The following ADAM12 variants were observed in gnomAD, a reference collection of about 807,000 sequenced individuals.
The protein encoded by ADAM12 is ADAM metallopeptidase domain 12.
In ADAM12, 70 loss-of-function variants were observed where a neutral mutation model predicts 106.4. The ratio of observed to expected loss-of-function variants is 0.66; its 90% CI spans 0.54 to 0.80. The LOEUF (loss-of-function observed/expected upper bound fraction) is 0.80. Ranked by LOEUF, ADAM12 falls within the 30% of genes least tolerant of loss-of-function variation. ADAM12 has a pLI of 0.00. For missense variants in ADAM12, 1,010 were observed against 1,171.9 expected, an observed-to-expected ratio of 0.86 and a Z score of 2.02; for synonymous variants, 420 against 433.5, an observed-to-expected ratio of 0.97 and a Z score of 0.39.
intron 21 of ADAM12, among the ~76,000 whole-genome samples, chr10:126,022,250 CT>C (rs1273750374): frequency 6.6e-6 from 1 of 152,182 alleles, no homozygotes; most frequent in African/African-American, 2.4e-5. Flanking sequence ...ATGTCTCCTA[CT>C]TTAGAAGATA....
chr10:126,152,417 T>G (rs1489051064), intron 4 of ADAM12, among the ~76,000 whole-genome samples: 4 of 152,056 alleles, frequency 2.6e-5, no homozygotes, highest in Non-Finnish European at 5.9e-5. Flanking sequence ...TTGAGACAAT[T>G]TTGCTAGCAT....
chr10:126,274,080 G>T (rs905129425), intron 3 of ADAM12, among the ~76,000 whole-genome samples: 1 of 152,134 alleles, frequency 6.6e-6, no homozygotes, highest in African/African-American at 2.4e-5. Flanking sequence ...ACTCACTTCT[G>T]GCTTGGTCCA....
Position 126,115,132 on chromosome 10 carries a change from AT to A in ADAM12, c.603+2905del, listed in dbSNP as rs543342015. Among the ~76,000 whole-genome samples, 620 of 152,280 alleles carry A rather than the reference AT, an allele frequency of 4.1e-3. 4 individuals are homozygous for A. Among genetic ancestry groups the A allele is most frequent in the Non-Finnish European group, 6.6e-3 (451 of 68,026 alleles). ...ATATGTACACAGTACCCAAGCAAAC[AT>A]TTCTTTTCAGAGAAGGCAGCAACTT... is the stretch of plus-strand genomic sequence containing the variant. On this transcript the variant is annotated intron_variant, in intron 6 of 22. Transcript: ENST00000448723.
chr10:126,250,515 A>C (rs1266396941), intron 3 of ADAM12, among the ~76,000 whole-genome samples: 1 of 152,200 alleles, frequency 6.6e-6, no homozygotes, highest in East Asian at 1.9e-4. Flanking sequence ...CTTTAAAAAT[A>C]ATTTTTAATC....
At chr10:126,157,999 T>C (rs150809147) in intron 3 of ADAM12, among the ~76,000 whole-genome samples, 1 of 152,270 alleles carries the variant, frequency 6.6e-6, no homozygotes, top group East Asian at 1.9e-4. Context: ...ACAATGGAGA[T>C]GCAGCAGGTG....
chr10:126,341,850 G>T (rs774823684), intron 1 of ADAM12, among the ~76,000 whole-genome samples: 2 of 152,116 alleles, frequency 1.3e-5, no homozygotes, highest in East Asian at 1.9e-4. Flanking sequence ...TTATAGACTC[G>T]GTTAGTTTTT....
chr10:126,335,636 T>G lies in ADAM12; in HGVS notation c.89-5127A>C, dbSNP rs137994907. ...AATGATGTAGTTCTTTCATTTTAGCTGCACGCTCCCTACATGTAAATTAGT... is the reference window on the plus strand; with the variant it reads ...AATGATGTAGTTCTTTCATTTTAGCGGCACGCTCCCTACATGTAAATTAGT... On this transcript the variant is annotated intron_variant, in intron 1 of 22. Coordinates refer to ENST00000448723, the MANE Select transcript of ADAM12 (RefSeq NM_001288973.2). Among the ~76,000 whole-genome samples the G allele has an allele frequency of 2.9e-3, 445 of 152,358 alleles. 2 individuals carry two copies. Among genetic ancestry groups the G allele is most frequent in the African/African-American group, 0.01 (430 of 41,586 alleles).
At chr10:126,017,590 C>T (rs938170595) in intron 22 of ADAM12, among the ~76,000 whole-genome samples, 1 of 151,848 alleles carries the variant, frequency 6.6e-6, no homozygotes, top group Admixed American at 6.6e-5. Context: ...TTTCTAGTAG[C>T]CACATGAAAA....
chr10:126,256,913 T>C (rs1958903068), intron 3 of ADAM12, among the ~76,000 whole-genome samples: 1 of 120,998 alleles, frequency 8.3e-6, no homozygotes, highest in African/African-American at 2.9e-5. Context: ...ATGGGAATAA[T>C]AATAATAATG....
intron 3 of ADAM12, among the ~76,000 whole-genome samples, chr10:126,178,867 T>C (rs1198056476): frequency 1.3e-5 from 2 of 151,962 alleles, no homozygotes; most frequent in Non-Finnish European, 2.9e-5. Context: ...GCCAACGTGG[T>C]GAAACCCCAT....
intron 2 of ADAM12, among the ~76,000 whole-genome samples, chr10:126,296,452 T>C (rs946674854): frequency 1.3e-5 from 2 of 152,158 alleles, no homozygotes; most frequent in Non-Finnish European, 2.9e-5. Flanking sequence ...TATTTTTAAA[T>C]GTAGTCGAGA....
Position 126,049,760 on chromosome 10 carries a change from G to C in ADAM12, c.1610-91C>G. 2.6e-6 allele frequency: 3 copies of C among 1,151,966 alleles called. No homozygotes were observed. The highest frequency in any genetic ancestry group is 1.2e-6 in the Non-Finnish European group (1 of 802,780). The allele number at this position is 1,151,966 out of a possible 1,614,324, so 71.4% of individuals were successfully genotyped here. A position where few individuals can be genotyped will look rare whatever the true frequency, so the allele number is the denominator to read the frequency against. Reference sequence around the variant, plus strand: ...GCCTCTCAAATGGTTACGGGGAGACGTGCTCAAAGCAATCACACCCAGTGT... The same window carrying C: ...GCCTCTCAAATGGTTACGGGGAGACCTGCTCAAAGCAATCACACCCAGTGT... On this transcript the variant is annotated intron_variant, in intron 14 of 22. Coordinates refer to ENST00000448723, the MANE Select transcript of ADAM12 (RefSeq NM_001288973.2). This position sits in a 1 kb window ranked among gnomAD's most constrained non-coding sequence, Gnocchi z 4.4.
At chr10:126,270,581 T>C (rs1035532175) in intron 3 of ADAM12, among the ~76,000 whole-genome samples, 2 of 152,184 alleles carry the variant, frequency 1.3e-5, no homozygotes, top group Non-Finnish European at 2.9e-5. Flanking sequence ...AAGTAAAGTG[T>C]GAATATAACT....
intron 2 of ADAM12, among the ~76,000 whole-genome samples, chr10:126,300,966 G>A (rs374061328): frequency 2.6e-5 from 4 of 152,300 alleles, no homozygotes; most frequent in Admixed American, 1.3e-4. Context: ...AATAAGCAAC[G>A]ACTTAAATAG....
At chr10:126,242,160 T>C (rs1390165913) in intron 3 of ADAM12, among the ~76,000 whole-genome samples, 1 of 152,184 alleles carries the variant, frequency 6.6e-6, no homozygotes, top group Non-Finnish European at 1.5e-5. Context: ...TATTATATGT[T>C]CAGGGGTGAT....
At chr10:126,311,133 A>G (rs1961076267) in intron 2 of ADAM12, among the ~76,000 whole-genome samples, 4 of 146,566 alleles carry the variant, frequency 2.7e-5, no homozygotes, top group African/African-American at 1.0e-4. Flanking sequence ...ACACACACAC[A>G]CACACCTGCA....
At chr10:126,040,121 C>T (rs1954134454) in intron 18 of ADAM12, among the ~76,000 whole-genome samples, 1 of 152,112 alleles carries the variant, frequency 6.6e-6, no homozygotes, top group Admixed American at 6.5e-5. Flanking sequence ...AGTTAAGAGC[C>T]TCCTCAAGGG....
chr10:126,200,275 G>A (rs1957674209), intron 3 of ADAM12, among the ~76,000 whole-genome samples: 1 of 152,062 alleles, frequency 6.6e-6, no homozygotes, highest in African/African-American at 2.4e-5. Flanking sequence ...TTAACTCAAT[G>A]GTTTTTGTCT....
At chr10:126,242,095 A>G (rs1470584728) in intron 3 of ADAM12, among the ~76,000 whole-genome samples, 1 of 152,154 alleles carries the variant, frequency 6.6e-6, no homozygotes, top group Non-Finnish European at 1.5e-5. Context: ...TGTTTCTGAA[A>G]AATTGCATGC....
Sources: gnomAD v4.1 joint callset for allele counts (sites outside exome capture counted in the v4.1 genomes callset) on GRCh38, gnomAD v4.1.1 for gene constraint, Gnocchi (gnomAD v3.1) non-coding constraint, MANE v1.5 for transcripts, NCBI Gene and HGNC (gene_info 2026-07-23, HGNC 2026-07-21) for gene names.